NUP210: variants seen among roughly 807,000 people sequenced by gnomAD.
The protein encoded by NUP210 is nucleoporin 210, also known as nuclear pore membrane glycoprotein 210.
In NUP210, 151 loss-of-function variants were observed where a neutral mutation model predicts 196.0. The observed-to-expected ratio is 0.77, with a 90% CI of 0.67 to 0.88. NUP210 has a LOEUF of 0.88. NUP210 is among the 40% of genes least tolerant of loss of function. The probability of loss-of-function intolerance (pLI) is 0.00; values close to 1 mark genes in which losing one functional copy is unlikely to be tolerated. For missense variants in NUP210, 2,314 were observed against 2,493.7 expected (o/e 0.93, Z 1.53); for synonymous variants, 1,070 against 1,052.7 (o/e 1.02, Z -0.32).
chr3:13,323,155 G>C lies in NUP210; in HGVS notation c.4768+154C>G, dbSNP rs1000464283. On this transcript the variant is annotated intron_variant, in intron 34 of 39. Transcript: ENST00000254508. The surrounding 1 kb of genome is among the most constrained non-coding windows in gnomAD (Gnocchi z 4.3). ...TTTGGAGGACTCCAATTTCAGAAACGCTGGAAGGAGTGGATGAGTGGGGGC... is the reference window on the plus strand; with the variant it reads ...TTTGGAGGACTCCAATTTCAGAAACCCTGGAAGGAGTGGATGAGTGGGGGC... Among the ~76,000 whole-genome samples, 1 of 152,178 alleles carries C rather than the reference G, an allele frequency of 6.6e-6. No individual in the cohort carries two copies. Among genetic ancestry groups the C allele is most frequent in the Admixed American group, 6.5e-5 (1 of 15,284 alleles).
At chr3:13,394,126 A>G (rs1425128376) in intron 3 of NUP210, among the ~76,000 whole-genome samples, 3 of 152,184 alleles carry the variant, frequency 2.0e-5, no homozygotes, top group African/African-American at 4.8e-5. Context: ...TTGGGCAGCC[A>G]AGGAGGGCTC....
In NUP210 at chr3:13,323,340, A is replaced by G; in HGVS notation, c.4737T>C (p.Val1579=). ...FQEATASKVI[V]AVGDRSSNLR... is the part of the protein sequence containing the mutation. ...GGTTAGAGCTTCTGTCTCCCACGGC[A>G]ACAATCACTTTGGAGGCTGTAGCCT... Residue 1579 remains valine (V), a synonymous_variant, in exon 34 of 40, where the codon GTT becomes GTC. Coordinates refer to ENST00000254508, the MANE Select transcript of NUP210 (RefSeq NM_024923.4). This position sits in a 1 kb window ranked among gnomAD's most constrained non-coding sequence, Gnocchi z 4.3. The G allele has an allele frequency of 6.2e-7, 1 of 1,614,142 alleles. No individual in the cohort carries two copies. The highest frequency in any genetic ancestry group is 8.5e-7 in the Non-Finnish European group (1 of 1,180,018).
At chr3:13,381,443 G>C (rs1330986226) in intron 6 of NUP210, among the ~76,000 whole-genome samples, 1 of 127,822 alleles carries the variant, frequency 7.8e-6, no homozygotes, top group African/African-American at 3.1e-5. Flanking sequence ...TTTAGAGATA[G>C]GTTCTTACTA....
chr3:13,327,183 C>A, intron 32 of NUP210, 34 bp downstream of exon 32: 2 of 1,577,052 alleles, frequency 1.3e-6, no homozygotes, highest in Admixed American at 1.7e-5. Context: ...GCGTCCGTGA[C>A]TCCACAGGTT....
chr3:13,370,067 G>C (rs1293840010), intron 13 of NUP210, among the ~76,000 whole-genome samples: 1 of 152,194 alleles, frequency 6.6e-6, no homozygotes, highest in Non-Finnish European at 1.5e-5. Flanking sequence ...GGGTATTATA[G>C]GGACAGGTCA....
At chr3:13,331,773 C>G (rs372339346) in intron 29 of NUP210, among the ~76,000 whole-genome samples, 3 of 152,324 alleles carry the variant, frequency 2.0e-5, no homozygotes, top group African/African-American at 7.2e-5. Context: ...GCCACTGTTA[C>G]GAAAGGCATC....
intron 3 of NUP210, among the ~76,000 whole-genome samples, chr3:13,393,925 GCAAA>G (rs1266539084): frequency 6.6e-6 from 1 of 152,182 alleles, no homozygotes; most frequent in African/African-American, 2.4e-5. Context: ...ATTCAACCTA[GCAAA>G]CATTTACCCA....
intron 15 of NUP210, 56 bp from the exon 16 acceptor site, chr3:13,358,451 G>T (rs894807360): frequency 8.6e-6 from 13 of 1,513,910 alleles, no homozygotes; most frequent in Non-Finnish European, 1.2e-5. Context: ...ACTCCTCTCT[G>T]AGCTATGCCA....
At position 13,329,856 on chromosome 3, in the gene NUP210, T is replaced by C. The variant is rs181404228; in HGVS notation, c.4110+604A>G. ...AACGGCAGAGGGCAGTGCCATGATA[T>C]GGCAGAAGGACACGGCCCAAACCAG... is the stretch of plus-strand genomic sequence containing the variant. On this transcript the variant is annotated intron_variant, in intron 30 of 39. Transcript: ENST00000254508. Among the ~76,000 whole-genome samples the C allele has an allele frequency of 2.0e-4, 31 of 152,248 alleles. 1 individual carries two copies. In the East Asian group the frequency reaches 5.4e-3, roughly 27 times the overall value.
At chr3:13,386,498 G>T (rs6442380) in intron 5 of NUP210, 91 bp from the exon 6 acceptor site, 788,374 of 1,467,924 alleles carry the variant, frequency 0.54, 216,277 homozygotes, top group African/African-American at 0.76. Flanking sequence ...TTTTAAACAT[G>T]GGAATAGGGA....
Position 13,377,451 on chromosome 3 carries a change from C to G in NUP210, c.1152+5G>C. 6.2e-7 allele frequency: 1 copy of G among 1,603,272 alleles called. No homozygotes were observed. The highest frequency in any genetic ancestry group is 8.5e-7 in the Non-Finnish European group (1 of 1,170,568). On this transcript the variant is annotated splice_donor_5th_base_variant and intron_variant, in intron 9 of 39. Transcript: ENST00000254508. ...CCCCCAGCCAGGACCTGAACAGGCA[C>G]TCACGTCAGATACATAGACCTTGTT...
intron 11 of NUP210, among the ~76,000 whole-genome samples, chr3:13,374,092 T>G (rs1698819934): frequency 6.6e-6 from 1 of 151,958 alleles, no homozygotes; most frequent in Non-Finnish European, 1.5e-5. Flanking sequence ...CATGCTCACT[T>G]ACCACTCACA....
At chr3:13,404,684 G>A (rs1000299938) in intron 1 of NUP210, among the ~76,000 whole-genome samples, 4 of 152,206 alleles carry the variant, frequency 2.6e-5, no homozygotes, top group African/African-American at 9.7e-5. Context: ...TCAGGGCCAC[G>A]CAGAAGCGCC....
chr3:13,341,341 T>C (rs541905925), intron 23 of NUP210, among the ~76,000 whole-genome samples: 241 of 152,358 alleles, frequency 1.6e-3, no homozygotes, highest in Non-Finnish European at 2.6e-3. Context: ...AGGTGCCCAC[T>C]GCCCTCGAAG....
Position 13,347,116 on chromosome 3 carries a change from C to T in NUP210, c.2836-3813G>A, listed in dbSNP as rs376844233. On this transcript the variant is annotated intron_variant, in intron 20 of 39. Transcript: ENST00000254508. This position sits in a 1 kb window ranked among gnomAD's most constrained non-coding sequence, Gnocchi z 4.7. ...TGAACAATGGCCCCATGACGGGCTG[C>T]GCCTCACAGGACCCAGGAGATGGAG... 20 of 985,314 alleles carry T rather than the reference C, an allele frequency of 2.0e-5. No homozygotes were observed. The Admixed American group carries it at 2.5e-4, about 12-fold the overall frequency. 61.0% of individuals were successfully genotyped at this position (985,314 alleles called of 1,614,324 possible).
rs201853253 is a variant in NUP210, at chr3:13,339,925, C to T, written c.3400G>A (p.Gly1134Arg). The change falls in exon 25 of 40, where the codon GGG (glycine) becomes AGG (arginine). Residue 1134 changes from glycine to arginine, a missense_variant. Coordinates refer to ENST00000254508, the MANE Select transcript of NUP210 (RefSeq NM_024923.4). ...AAGLVQGLAI[G>R]NGTVSGLVQA... ...ACGAGCCCAGACACAGTGCCGTTCC[C>T]GATGGCGAGGCCCTGTACCAGCCCA... 15 of 1,614,046 alleles carry T rather than the reference C, an allele frequency of 9.3e-6. No individual in the cohort carries two copies. Among genetic ancestry groups the T allele is most frequent in the Admixed American group, 3.3e-5 (2 of 60,032 alleles).
chr3:13,414,102 A>T (rs551361573), intron 1 of NUP210, among the ~76,000 whole-genome samples: 3 of 152,324 alleles, frequency 2.0e-5, no homozygotes, highest in African/African-American at 7.2e-5. Flanking sequence ...GCCATAGGGG[A>T]ACTCAGGGAC....
Position 13,405,541 on chromosome 3 carries a change from T to C in NUP210, c.168-5680A>G, listed in dbSNP as rs1699978312. On this transcript the variant is annotated intron_variant, in intron 1 of 39. Coordinates refer to ENST00000254508, the MANE Select transcript of NUP210 (RefSeq NM_024923.4). ...ATATATATAGGCTATATATATAGCC[T>C]ATTGAATATATGCATATGAGCTATA... Among the ~76,000 whole-genome samples the C allele has an allele frequency of 3.3e-5, 5 of 152,286 alleles. 1 individual carries two copies. Among genetic ancestry groups the C allele is most frequent in the Middle Eastern group, 6.8e-3 (2 of 294 alleles).
At chr3:13,407,123 T>C (rs1319980451) in intron 1 of NUP210, among the ~76,000 whole-genome samples, 2 of 152,172 alleles carry the variant, frequency 1.3e-5, no homozygotes, top group Non-Finnish European at 2.9e-5. Flanking sequence ...TACAAAGCAC[T>C]GGGCTGGGAT....
Sources: gnomAD v4.1 joint callset for allele counts (sites outside exome capture counted in the v4.1 genomes callset) on GRCh38, gnomAD v4.1.1 for gene constraint, Gnocchi (gnomAD v3.1) non-coding constraint, MANE v1.5 for transcripts, NCBI Gene and HGNC (gene_info 2026-07-23, HGNC 2026-07-21) for gene names.